WHAMM: variants seen among roughly 807,000 people sequenced by gnomAD.
WHAMM encodes the protein WASP homolog-associated protein with actin, membranes and microtubules.
WHAMM carries 67 observed loss-of-function variants against 76.5 expected under a neutral mutation model. That is an observed-to-expected ratio of 0.88 (90% confidence interval 0.72 to 1.07). The LOEUF is 1.07. Among genes scored for constraint, WHAMM ranks in the 50% least tolerant of loss-of-function variants. The pLI is 0.00. For synonymous variants in WHAMM, 419 were observed against 422.1 expected, an observed-to-expected ratio of 0.99 and a Z score of 0.09; for missense variants, 1,021 against 1,051.1, an observed-to-expected ratio of 0.97 and a Z score of 0.40.
rs1008396356 is a variant in WHAMM at position 82,833,368 on chromosome 15, G to T, written c.2262G>T (p.Lys754Asn). The T allele has an allele frequency of 1.2e-6, 2 of 1,614,014 alleles. No individual in the cohort carries two copies. The highest frequency in any genetic ancestry group is 1.7e-6 in the Non-Finnish European group (2 of 1,179,872). The change falls in exon 10 of 10, where the codon AAG becomes AAT. Residue 754 changes from lysine to asparagine, a missense_variant. Lys to Asn is a moderately conservative substitution (Grantham distance 94, BLOSUM62 0). This residue lies in a region of WHAMM where 509 missense variants were observed against 492.3 expected (regional missense o/e 1.03). Transcript: ENST00000286760. ...CCATAAGGCAAGGGGTCAAACTGAA[G>T]AAAGTTCACCCTGATCTTGGCCCAA... Reference protein sequence around the residue: ...LAAIRQGVKLKKVHPDLGPNP... With the variant: ...LAAIRQGVKLNKVHPDLGPNP...
intron 6 of WHAMM, among the ~76,000 whole-genome samples, chr15:82,825,761 C>A (rs563301857): frequency 2.0e-5 from 3 of 150,596 alleles, no homozygotes; most frequent in African/African-American, 7.3e-5. Context: ...GCACTCCAGC[C>A]TGGGCAACAA....
chr15:82,833,629 A>G lies in WHAMM; in HGVS notation c.*93A>G. ...AAAAGCATACTAACAGGGTGCTGAT[A>G]GATGGGCCACATAACACCCCGGAAG... is the stretch of plus-strand genomic sequence containing the variant. On this transcript the variant is annotated 3_prime_UTR_variant, in exon 10 of 10. Transcript: ENST00000286760. 7.4e-7 allele frequency: 1 copy of G among 1,355,042 alleles called. No homozygotes were observed. The highest frequency in any genetic ancestry group is 1.0e-6 in the Non-Finnish European group (1 of 997,652). The allele number at this position is 1,355,042 out of a possible 1,614,324, so 83.9% of individuals were successfully genotyped here.
At chr15:82,812,048 A>G (rs2050637343) in intron 1 of WHAMM, among the ~76,000 whole-genome samples, 1 of 152,146 alleles carries the variant, frequency 6.6e-6, no homozygotes, top group African/African-American at 2.4e-5. Flanking sequence ...TAGATTATAC[A>G]CTGTTCAGTT....
intron 1 of WHAMM, among the ~76,000 whole-genome samples, chr15:82,812,090 A>T (rs2050637943): frequency 6.6e-6 from 1 of 152,204 alleles, no homozygotes; most frequent in African/African-American, 2.4e-5. Flanking sequence ...AGCAGTAACC[A>T]GCAGAGACTG....
chr15:82,832,804 A>C (rs2051052538), intron 9 of WHAMM, among the ~76,000 whole-genome samples: 1 of 152,182 alleles, frequency 6.6e-6, no homozygotes, highest in Admixed American at 6.5e-5. Context: ...TTTTTAAAAG[A>C]TTTCTTTTAG....
At chr15:82,818,914 A>G in intron 4 of WHAMM, among the ~76,000 whole-genome samples, 1 of 152,248 alleles carries the variant, frequency 6.6e-6, no homozygotes, top group Non-Finnish European at 1.5e-5. Flanking sequence ...ATGTTTAGAA[A>G]GAAAGTGATC....
chr15:82,812,958 TG>T, intron 1 of WHAMM, 144 bp from the exon 2 acceptor site: 1 of 597,226 alleles, frequency 1.7e-6, no homozygotes, highest in Non-Finnish European at 2.7e-6. Flanking sequence ...TGATGGAGGA[TG>T]ATAACATTTT....
At chr15:82,826,525 A>G (rs747706113) in intron 7 of WHAMM, 29 bp downstream of exon 7, 46 of 1,606,714 alleles carry the variant, frequency 2.9e-5, no homozygotes, top group Admixed American at 5.0e-5. Flanking sequence ...AAAATGTTCT[A>G]TGTTTGTGTA....
Position 82,813,193 on chromosome 15 carries a change from G to A in WHAMM, c.700G>A (p.Val234Met), listed in dbSNP as rs190194464. The change falls in exon 2 of 10, where the codon GTG becomes ATG. Residue 234 changes from valine (V) to methionine (M), a missense_variant. Transcript: ENST00000286760. ...TGAAGCATACCAGGAATTGGTTACC[G>A]TGGCAACCATGTTCTTCCAGTACTT... ...EDEAYQELVT[V>M]ATMFFQYLLQ... 22 of 1,612,966 alleles carry A rather than the reference G, an allele frequency of 1.4e-5. No homozygotes were observed. Among genetic ancestry groups the A allele is most frequent in the East Asian group, 4.5e-5 (2 of 44,868 alleles).
At chr15:82,827,043 T>C (rs767453202) in intron 8 of WHAMM, among the ~76,000 whole-genome samples, 197 bp downstream of exon 8, 5 of 152,188 alleles carry the variant, frequency 3.3e-5, no homozygotes, top group African/African-American at 1.2e-4. Context: ...TGATACAAAA[T>C]AACTGCTGTT....
Position 82,817,959 on chromosome 15 carries a change from G to A in WHAMM, c.974G>A (p.Gly325Asp). The change falls in exon 4 of 10, where the codon GGT (glycine) becomes GAT (aspartate). Residue 325 changes from glycine to aspartate, a missense_variant. By Grantham distance (94) the Gly-to-Asp change is moderately conservative (BLOSUM62 -1). Coordinates refer to ENST00000286760, the MANE Select transcript of WHAMM (RefSeq NM_001080435.3). ...KEMEQDAKRF[G>D]QAAWATAIPR... is the part of the protein sequence containing the mutation. ...ATGGAACAGGATGCGAAGAGATTTG[G>A]TCAGGCTGCCTGGGCCACAGCAATT... 1 of 1,547,800 alleles carries A rather than the reference G, an allele frequency of 6.5e-7. No homozygotes were observed. Among genetic ancestry groups the A allele is most frequent in the Non-Finnish European group, 8.7e-7 (1 of 1,145,770 alleles).
chr15:82,829,769 T>G (rs1193536375), intron 8 of WHAMM, among the ~76,000 whole-genome samples: 1 of 152,140 alleles, frequency 6.6e-6, no homozygotes. Flanking sequence ...GCCAGTTTCT[T>G]TAACTTAGGT....
intron 6 of WHAMM, among the ~76,000 whole-genome samples, chr15:82,825,616 C>T (rs2050917460): frequency 1.3e-5 from 2 of 152,052 alleles, no homozygotes; most frequent in South Asian, 4.1e-4. Context: ...CTTTCGAGCT[C>T]ACAGTTTTCT....
chr15:82,809,850 G>A lies in WHAMM; in HGVS notation c.124G>A (p.Ala42Thr). ...VAWNGAEGKFAVTCHDRTAQQ... is the reference protein window; with the variant it reads ...VAWNGAEGKFTVTCHDRTAQQ... ...CTGGAACGGCGCGGAGGGCAAGTTC[G>A]CTGTGACTTGTCACGACCGTACCGC... The change falls in exon 1 of 10, where the codon GCT (alanine) becomes ACT (threonine). Residue 42 changes from alanine to threonine, a missense_variant. Ala to Thr is a moderately conservative substitution (Grantham distance 58). Transcript: ENST00000286760. 1.2e-6 allele frequency: 2 copies of A among 1,605,134 alleles called. No homozygotes were observed. The highest frequency in any genetic ancestry group is 1.7e-6 in the Non-Finnish European group (2 of 1,176,918).
chr15:82,819,200 T>C, intron 4 of WHAMM, 123 bp from the exon 5 acceptor site: 1 of 352,842 alleles, frequency 2.8e-6, no homozygotes, highest in Non-Finnish European at 5.0e-6. Context: ...AGTGTTTCTT[T>C]CCTATTTGCT....
At chr15:82,823,588 CAG>C (rs10586476) in intron 6 of WHAMM, among the ~76,000 whole-genome samples, 19,709 of 152,068 alleles carry the variant, frequency 0.13, 1,420 homozygotes, top group Admixed American at 0.17. Flanking sequence ...TTTTTTGAGA[CAG>C]AGTCTTGCTC....
chr15:82,826,355 T>A, intron 6 of WHAMM, 55 bp from the exon 7 acceptor site: 1 of 1,576,604 alleles, frequency 6.3e-7, no homozygotes. Flanking sequence ...TAATCTTTTA[T>A]GCTATACCAG....
chr15:82,812,050 T>C (rs2050637418), intron 1 of WHAMM, among the ~76,000 whole-genome samples: 1 of 152,182 alleles, frequency 6.6e-6, no homozygotes. Flanking sequence ...GATTATACAC[T>C]GTTCAGTTTA....
chr15:82,835,133 G>GTT lies in WHAMM; in HGVS notation c.*1607_*1608dup, dbSNP rs35205699. On this transcript the variant is annotated 3_prime_UTR_variant, in exon 10 of 10. Coordinates refer to ENST00000286760, the MANE Select transcript of WHAMM (RefSeq NM_001080435.3). The stretch of plus-strand genomic sequence containing the variant: ...GAAATCTTCCTACTTCAGTTTTTTT[G>GTT]TTTTTTTTTTTGAGACAGAGTCTTG... 0.31 allele frequency: 46,003 copies of GTT among 147,672 alleles called. 8,055 individuals carry two copies. The highest frequency in any genetic ancestry group is 0.4 in the Non-Finnish European group (26,706 of 66,844). The allele number at this position is 147,672 out of a possible 1,614,324, so 9.1% of individuals were successfully genotyped here.
Sources: gnomAD v4.1 joint callset for allele counts (sites outside exome capture counted in the v4.1 genomes callset) on GRCh38, gnomAD v4.1.1 for gene constraint, gnomAD v4.1.1 regional missense constraint, MANE v1.5 for transcripts, NCBI Gene and HGNC (gene_info 2026-07-23, HGNC 2026-07-21) for gene names.